OSBPL1A: variants seen among roughly 807,000 people sequenced by gnomAD.
The protein encoded by OSBPL1A is oxysterol-binding protein-related protein 1.
OSBPL1A carries 80 observed loss-of-function variants against 137.1 expected under a neutral mutation model. That is an observed-to-expected ratio of 0.58 (90% CI 0.49 to 0.70). OSBPL1A has a LOEUF of 0.70. Ranked by LOEUF, OSBPL1A falls within the 30% of genes least tolerant of loss-of-function variation. The pLI is 0.00. For synonymous variants in OSBPL1A, 365 were observed against 389.7 expected, an observed-to-expected ratio of 0.94 and a Z score of 0.75; for missense variants, 970 against 1,129.4, an observed-to-expected ratio of 0.86 and a Z score of 2.02.
At chr18:24,281,041 A>C (rs2089946569) in intron 14 of OSBPL1A, 93 bp from the exon 15 acceptor site, 4 of 691,924 alleles carry the variant, frequency 5.8e-6, no homozygotes, top group Admixed American at 3.5e-5. Flanking sequence ...TATTAACCTC[A>C]TCTTTCCATC....
At chr18:24,376,480 C>T (rs1206147197) in intron 2 of OSBPL1A, among the ~76,000 whole-genome samples, 1 of 152,258 alleles carries the variant, frequency 6.6e-6, no homozygotes, top group Non-Finnish European at 1.5e-5. Flanking sequence ...AAAGGTTCTC[C>T]ACCTCCCCAC....
intron 18 of OSBPL1A, among the ~76,000 whole-genome samples, chr18:24,185,945 G>C (rs2086735922): frequency 6.6e-6 from 1 of 152,122 alleles, no homozygotes; most frequent in South Asian, 2.1e-4. Flanking sequence ...GCGTGCATCT[G>C]TAGTCCCAGC....
At chr18:24,334,379 C>T in intron 5 of OSBPL1A, 49 bp from the exon 6 acceptor site, 2 of 1,429,900 alleles carry the variant, frequency 1.4e-6, no homozygotes, top group Non-Finnish European at 1.9e-6. Context: ...GATCCAATTA[C>T]AAATTCATTA....
At chr18:24,325,581 C>T (rs764461987) in intron 7 of OSBPL1A, among the ~76,000 whole-genome samples, 9 of 152,322 alleles carry the variant, frequency 5.9e-5, no homozygotes, top group African/African-American at 1.9e-4. Context: ...CCTACCATCA[C>T]TCTCTAGTCC....
At chr18:24,289,892 C>T (rs1175149087) in intron 14 of OSBPL1A, among the ~76,000 whole-genome samples, 3 of 152,078 alleles carry the variant, frequency 2.0e-5, no homozygotes, top group Non-Finnish European at 2.9e-5. Context: ...TGTTACCAGG[C>T]ACAAATAAGT....
intron 18 of OSBPL1A, among the ~76,000 whole-genome samples, chr18:24,187,492 T>G (rs570966615): frequency 7.9e-5 from 12 of 152,264 alleles, no homozygotes; most frequent in African/African-American, 2.9e-4. Flanking sequence ...ACCTACTGCT[T>G]GCGTGGCAGC....
chr18:24,232,988 T>C (rs1186106860), intron 16 of OSBPL1A, among the ~76,000 whole-genome samples: 2 of 152,174 alleles, frequency 1.3e-5, no homozygotes, highest in Non-Finnish European at 2.9e-5. Context: ...TCAACCAAAA[T>C]AGCATTAAGG....
rs572023315 is a variant in OSBPL1A at position 24,332,173 on chromosome 18, C to T, written c.625+769G>A. ...GGCAGATCATTTGAGGTCAGGAGTT[C>T]GAGACCAGCCTGGCCAACATGGTGA... On this transcript the variant is annotated intron_variant, in intron 7 of 27. Coordinates refer to ENST00000319481, the MANE Select transcript of OSBPL1A (RefSeq NM_080597.4). Among the ~76,000 whole-genome samples, 31 of 151,754 alleles carry T rather than the reference C, an allele frequency of 2.0e-4. 1 individual carries two copies. The South Asian group carries it at 6.1e-3, about 30-fold the overall frequency.
chr18:24,345,372 G>A (rs1380966888), intron 4 of OSBPL1A, among the ~76,000 whole-genome samples: 1 of 152,082 alleles, frequency 6.6e-6, no homozygotes, highest in African/African-American at 2.4e-5. Context: ...GACTAGAAAG[G>A]GTCAAAATAA....
At chr18:24,225,395 CAG>C (rs1459292696) in intron 16 of OSBPL1A, among the ~76,000 whole-genome samples, 197 bp from the exon 17 acceptor site, 9 of 152,168 alleles carry the variant, frequency 5.9e-5, no homozygotes, top group Admixed American at 3.9e-4. Context: ...ATTTATCAAA[CAG>C]AGGTACACTT....
At chr18:24,317,025 A>C in intron 11 of OSBPL1A, 124 bp downstream of exon 11, 1 of 895,546 alleles carries the variant, frequency 1.1e-6, no homozygotes, top group Non-Finnish European at 1.7e-6. Flanking sequence ...AAATATATAC[A>C]AGTGTTTTCT....
At chr18:24,179,481 A>G (rs1292454742) in intron 20 of OSBPL1A, among the ~76,000 whole-genome samples, 1 of 152,098 alleles carries the variant, frequency 6.6e-6, no homozygotes, top group Non-Finnish European at 1.5e-5. Flanking sequence ...CATGATCTAC[A>G]TAAGGAAAAA....
At chr18:24,375,314 CAAAAAAAAAAAAA>C (rs61252568) in intron 2 of OSBPL1A, among the ~76,000 whole-genome samples, 23 of 41,720 alleles carry the variant, frequency 5.5e-4, no homozygotes, top group South Asian at 5.4e-3. Context: ...AACCCTGTCT[CAAAAAAAAAAAAA>C]AAAAAAAAAA....
intron 17 of OSBPL1A, among the ~76,000 whole-genome samples, chr18:24,216,133 G>C (rs1408996317): frequency 4.6e-5 from 7 of 152,112 alleles, no homozygotes; most frequent in Non-Finnish European, 8.8e-5. Flanking sequence ...ACAGCCTCTC[G>C]TCACCTCTTG....
chr18:24,203,649 C>T (rs2087285707), intron 17 of OSBPL1A, among the ~76,000 whole-genome samples: 1 of 152,176 alleles, frequency 6.6e-6, no homozygotes, highest in Non-Finnish European at 1.5e-5. Context: ...TCCATCTCCA[C>T]CACCACTCTA....
chr18:24,197,295 C>T (rs917210913), intron 17 of OSBPL1A, among the ~76,000 whole-genome samples: 3 of 152,012 alleles, frequency 2.0e-5, no homozygotes, highest in South Asian at 2.1e-4. Flanking sequence ...TGCAGTGAGC[C>T]GAGGTCACGC....
chr18:24,175,915 T>A (rs1410383404), intron 21 of OSBPL1A, among the ~76,000 whole-genome samples: 2 of 152,242 alleles, frequency 1.3e-5, no homozygotes, highest in African/African-American at 4.8e-5. Context: ...CTTAGCTGTA[T>A]TGCCTTTGCA....
intron 4 of OSBPL1A, among the ~76,000 whole-genome samples, chr18:24,355,526 A>G (rs1022245639): frequency 6.6e-6 from 1 of 151,958 alleles, no homozygotes; most frequent in African/African-American, 2.4e-5. Context: ...AAACAGCAAC[A>G]ACAAAAAACC....
chr18:24,184,659 C>A (rs1191157871), intron 18 of OSBPL1A, among the ~76,000 whole-genome samples: 1 of 152,188 alleles, frequency 6.6e-6, no homozygotes, highest in Non-Finnish European at 1.5e-5. Flanking sequence ...TATCTTGCTA[C>A]ATGTATAGTA....
Sources: allele counts gnomAD v4.1 joint callset (sites outside exome capture counted in the v4.1 genomes callset), GRCh38; gene constraint gnomAD v4.1.1; transcripts MANE v1.5; gene names NCBI Gene and HGNC (gene_info 2026-07-23, HGNC 2026-07-21).